DPY19L3: variants seen among roughly 807,000 people sequenced by gnomAD.
DPY19L3 encodes protein C-mannosyl-transferase DPY19L3.
A neutral mutation model predicts 92.3 loss-of-function variants in DPY19L3; 51 were observed. The ratio of observed to expected loss-of-function variants is 0.55; its 90% CI spans 0.44 to 0.70. The LOEUF (loss-of-function observed/expected upper bound fraction) is 0.70, where lower values mean the gene tolerates loss of function less well. DPY19L3 is among the 30% of genes least tolerant of loss of function. The pLI, the probability that DPY19L3 is intolerant of heterozygous loss-of-function variation, is 0.00. For synonymous variants in DPY19L3, 309 were observed against 315.2 expected (o/e 0.98, Z 0.21); for missense variants, 706 against 855.9 (o/e 0.82, Z 2.18).
At chr19:32,482,000 A>G (rs945974624) in intron 18 of DPY19L3, 79 bp from the exon 19 acceptor site, 30 of 1,499,084 alleles carry the variant, frequency 2.0e-5, no homozygotes, top group Non-Finnish European at 2.7e-5. Context: ...TCTTAAACCC[A>G]ATACCCATTC....
In DPY19L3 at chr19:32,459,394, A is replaced by G. The variant is rs182902936; in HGVS notation, c.1322+885A>G. Among the ~76,000 whole-genome samples the G allele has an allele frequency of 1.8e-4, 27 of 152,340 alleles. No individual in the cohort carries two copies. In the East Asian group the frequency reaches 4.8e-3, roughly 27 times the overall value. On this transcript the variant is annotated intron_variant, in intron 12 of 18. Coordinates refer to ENST00000392250, the MANE Select transcript of DPY19L3 (RefSeq NM_001172774.2). The stretch of plus-strand genomic sequence containing the variant: ...CCAATTAATGTGCTGGTGAACTGTG[A>G]TTCACAGCCACGAGAGAGCTGTCAT...
At chr19:32,471,646 T>C (rs1970361496) in intron 16 of DPY19L3, among the ~76,000 whole-genome samples, 1 of 152,178 alleles carries the variant, frequency 6.6e-6, no homozygotes, top group Admixed American at 6.5e-5. Context: ...AGGCATTACG[T>C]TGTGCTCCTG....
Position 32,458,649 on chromosome 19 carries a change from T to C in DPY19L3, c.1322+140T>C, listed in dbSNP as rs1969944520. 3 of 856,870 alleles carry C rather than the reference T, an allele frequency of 3.5e-6. No individual in the cohort carries two copies. In the Admixed American group the frequency reaches 7.4e-5, roughly 21 times the overall value. 53.1% of individuals were successfully genotyped at this position (856,870 alleles called of 1,614,324 possible). A position where few individuals can be genotyped will look rare whatever the true frequency, so the allele number is the denominator to read the frequency against. The stretch of plus-strand genomic sequence containing the variant: ...AAGGGGGAACATACCTCGTTTAGAG[T>C]GGACTACACTCCCAGTAGTTAGGAG... On this transcript the variant is annotated intron_variant, in intron 12 of 18. Transcript: ENST00000392250.
intron 3 of DPY19L3, among the ~76,000 whole-genome samples, chr19:32,429,067 G>A (rs978746863): frequency 1.3e-5 from 2 of 151,868 alleles, no homozygotes; most frequent in African/African-American, 2.4e-5. Flanking sequence ...CAGGCTGGTC[G>A]TGAACTCCTG....
intron 16 of DPY19L3, among the ~76,000 whole-genome samples, chr19:32,474,676 T>C (rs139472996): frequency 2.0e-5 from 3 of 152,170 alleles, no homozygotes; most frequent in Admixed American, 6.5e-5. Flanking sequence ...CTGCAACTTA[T>C]GCCTCCCGGG....
rs1272921883 is a variant in DPY19L3, at chr19:32,435,213, T to C, written c.329-1233T>C. On this transcript the variant is annotated intron_variant, in intron 4 of 18. Coordinates refer to ENST00000392250, the MANE Select transcript of DPY19L3 (RefSeq NM_001172774.2). Reference sequence around the variant, plus strand: ...TCTGTTCCTCTTATAAGAACACCAGTCCTATCAGATTAAGACCCCACCCAT... The same window carrying C: ...TCTGTTCCTCTTATAAGAACACCAGCCCTATCAGATTAAGACCCCACCCAT... Among the ~76,000 whole-genome samples the C allele has an allele frequency of 2.0e-5, 3 of 152,176 alleles. No individual in the cohort carries two copies. The South Asian group carries it at 6.2e-4, about 31-fold the overall frequency.
At chr19:32,476,684 G>T (rs991130838) in intron 16 of DPY19L3, among the ~76,000 whole-genome samples, 2 of 152,032 alleles carry the variant, frequency 1.3e-5, no homozygotes, top group African/African-American at 4.8e-5. Flanking sequence ...ACAGAAAATC[G>T]TAGCGTGGTG....
chr19:32,439,802 A>G lies in DPY19L3; in HGVS notation c.747A>G (p.Ile249Met). 5 of 1,613,768 alleles carry G rather than the reference A, an allele frequency of 3.1e-6. No individual in the cohort carries two copies. The highest frequency in any genetic ancestry group is 4.2e-6 in the Non-Finnish European group (5 of 1,179,774). The change falls in exon 8 of 19, where the codon ATA (isoleucine) becomes ATG (methionine). Residue 249 changes from isoleucine to methionine, a missense_variant. By Grantham distance (10) the Ile-to-Met change is conservative. Coordinates refer to ENST00000392250, the MANE Select transcript of DPY19L3 (RefSeq NM_001172774.2). ...GGCTGACACTTCTTGCCATTTTCAT[A>G]TCAACTTTTCTCTTTAGTCTGACAT... Reference protein sequence around the residue: ...SERLTLLAIFISTFLFSLTWQ... With the variant: ...SERLTLLAIFMSTFLFSLTWQ...
intron 10 of DPY19L3, among the ~76,000 whole-genome samples, chr19:32,457,644 A>AT (rs1327326667): frequency 6.6e-6 from 1 of 152,190 alleles, no homozygotes; most frequent in Non-Finnish European, 1.5e-5. Context: ...ACTGTCTTGA[A>AT]TTGTCTTTGA....
intron 12 of DPY19L3, among the ~76,000 whole-genome samples, chr19:32,459,686 C>G (rs887269120): frequency 6.6e-6 from 1 of 152,170 alleles, no homozygotes; most frequent in African/African-American, 2.4e-5. Context: ...CCTGCAGTAT[C>G]TTCCTGAAAA....
chr19:32,420,126 G>A (rs55945290), intron 3 of DPY19L3, among the ~76,000 whole-genome samples: 11,455 of 152,162 alleles, frequency 0.075, 655 homozygotes, highest in Non-Finnish European at 0.11. Context: ...CCAAAGTGCT[G>A]GGATTACAGG....
At chr19:32,408,145 T>G in intron 1 of DPY19L3, 72 bp from the exon 2 acceptor site, 1 of 751,994 alleles carries the variant, frequency 1.3e-6, no homozygotes, top group Non-Finnish European at 2.3e-6. Flanking sequence ...GTAAAGGCAT[T>G]TCAGCATGGA....
In DPY19L3 at chr19:32,464,713, G is replaced by C; in HGVS notation, c.1558-15G>C. 1 of 1,385,750 alleles carries C rather than the reference G, an allele frequency of 7.2e-7. No homozygotes were observed. The highest frequency in any genetic ancestry group is 2.6e-5 in the East Asian group (1 of 38,514). 85.8% of individuals were successfully genotyped at this position (1,385,750 alleles called of 1,614,324 possible). ...TCAAAATACTTATAATCTAAATAAT[G>C]TCTTTCTTATATAGATATGTATAAT... On this transcript the variant is annotated splice_polypyrimidine_tract_variant and intron_variant, in intron 14 of 18. Transcript: ENST00000392250.
In DPY19L3 at chr19:32,463,339, A is replaced by C. The variant is rs762634601; in HGVS notation, c.1323-27A>C. 7.4e-6 allele frequency: 12 copies of C among 1,611,810 alleles called. No homozygotes were observed. In the Admixed American group the frequency reaches 1.7e-4, roughly 23 times the overall value. ...TAACTAAAATTATGTTTCCAGCTTA[A>C]ATTTTGTATGTTGCTGTTTTACTCA... On this transcript the variant is annotated intron_variant, in intron 12 of 18. Coordinates refer to ENST00000392250, the MANE Select transcript of DPY19L3 (RefSeq NM_001172774.2).
intron 12 of DPY19L3, among the ~76,000 whole-genome samples, chr19:32,459,336 T>C (rs1969968076): frequency 6.6e-6 from 1 of 152,188 alleles, no homozygotes. Context: ...TTAATGAAGC[T>C]CACGAGGAAG....
chr19:32,419,182 A>T (rs1478594589), intron 3 of DPY19L3, among the ~76,000 whole-genome samples: 3 of 146,090 alleles, frequency 2.1e-5, no homozygotes, highest in South Asian at 2.2e-4. Flanking sequence ...TTTTTTTGAG[A>T]CAGAGTCTCG....
intron 3 of DPY19L3, among the ~76,000 whole-genome samples, chr19:32,418,439 CAT>C (rs1311582376): frequency 5.3e-5 from 8 of 152,208 alleles, no homozygotes; most frequent in African/African-American, 1.9e-4. Context: ...ACAGTGGCCA[CAT>C]GTGGCTATTG....
intron 14 of DPY19L3, 28 bp downstream of exon 14, chr19:32,464,008 T>C: frequency 6.7e-7 from 1 of 1,490,784 alleles, no homozygotes; most frequent in African/African-American, 1.4e-5. Context: ...TTCCATCTCC[T>C]TTTATGACTT....
At chr19:32,426,234 A>C (rs187960065) in intron 3 of DPY19L3, among the ~76,000 whole-genome samples, 4 of 152,326 alleles carry the variant, frequency 2.6e-5, no homozygotes, top group African/African-American at 7.2e-5. Context: ...AATTGAAGAG[A>C]GGGCCTTGCT....
Sources: allele counts gnomAD v4.1 joint callset (sites outside exome capture counted in the v4.1 genomes callset), GRCh38; gene constraint gnomAD v4.1.1; transcripts MANE v1.5; gene names NCBI Gene and HGNC (gene_info 2026-07-23, HGNC 2026-07-21).